Variants in CHRM3 observed in about 807,000 individuals in gnomAD.
CHRM3 encodes the protein muscarinic acetylcholine receptor M3.
A neutral mutation model predicts 41.8 loss-of-function variants in CHRM3; 11 were observed. The observed-to-expected ratio is 0.26, with a 90% CI of 0.17 to 0.44. The LOEUF (loss-of-function observed/expected upper bound fraction) is 0.44, where lower values mean the gene tolerates loss of function less well. CHRM3 is among the 20% of genes least tolerant of loss of function. The pLI is 1.00. For missense variants in CHRM3, 571 were observed against 745.4 expected, an observed-to-expected ratio of 0.77 and a Z score of 2.72; for synonymous variants, 297 against 301.4, an observed-to-expected ratio of 0.99 and a Z score of 0.15.
chr1:239,511,852 A>T (rs1413542297), intron 2 of CHRM3, among the ~76,000 whole-genome samples: 1 of 152,216 alleles, frequency 6.6e-6, no homozygotes, highest in East Asian at 1.9e-4. Flanking sequence ...AAAGCAAATA[A>T]GCTTTTTGTA....
At chr1:239,478,392 A>T (rs1425869568) in intron 1 of CHRM3, among the ~76,000 whole-genome samples, 1 of 152,206 alleles carries the variant, frequency 6.6e-6, no homozygotes, top group Admixed American at 6.5e-5. Flanking sequence ...TGAAGCAGCA[A>T]TGACTTTGAT....
At chr1:239,893,199 T>C (rs1029790493) in intron 6 of CHRM3, among the ~76,000 whole-genome samples, 2 of 152,154 alleles carry the variant, frequency 1.3e-5, no homozygotes, top group African/African-American at 4.8e-5. Context: ...AGTGAGTGTT[T>C]AAAAATATGC....
chr1:239,885,095 G>T (rs1428834814), intron 6 of CHRM3, among the ~76,000 whole-genome samples: 2 of 152,118 alleles, frequency 1.3e-5, no homozygotes, highest in African/African-American at 4.8e-5. Flanking sequence ...GAGCTCATTG[G>T]AGAAATTTTA....
At chr1:239,598,093 G>A (rs1665019327) in intron 3 of CHRM3, among the ~76,000 whole-genome samples, 1 of 152,042 alleles carries the variant, frequency 6.6e-6, no homozygotes, top group African/African-American at 2.4e-5. Context: ...AAGGCCAGGG[G>A]CACACACTAG....
intron 6 of CHRM3, among the ~76,000 whole-genome samples, chr1:239,828,438 C>T (rs1197455211): frequency 6.6e-6 from 1 of 151,994 alleles, no homozygotes; most frequent in Non-Finnish European, 1.5e-5. Context: ...GGGACCATAA[C>T]TGGCATGAAG....
chr1:239,507,257 G>T (rs1668634368), intron 2 of CHRM3, among the ~76,000 whole-genome samples: 1 of 152,166 alleles, frequency 6.6e-6, no homozygotes, highest in Non-Finnish European at 1.5e-5. Flanking sequence ...ATTCCCATGT[G>T]TTGTGGGAGG....
At chr1:239,756,697 G>C (rs936946814) in intron 5 of CHRM3, among the ~76,000 whole-genome samples, 2 of 152,178 alleles carry the variant, frequency 1.3e-5, no homozygotes, top group Non-Finnish European at 2.9e-5. Context: ...TGTTTTCTAT[G>C]TGAAGTTTTG....
At chr1:239,465,247 G>A (rs1665639216) in intron 1 of CHRM3, among the ~76,000 whole-genome samples, 1 of 152,062 alleles carries the variant, frequency 6.6e-6, no homozygotes, top group Non-Finnish European at 1.5e-5. Flanking sequence ...TGTGCTCTCT[G>A]GGGGTAAGTG....
intron 3 of CHRM3, among the ~76,000 whole-genome samples, chr1:239,602,013 T>A (rs1665604638): frequency 6.6e-6 from 1 of 151,166 alleles, no homozygotes; most frequent in African/African-American, 2.4e-5. Flanking sequence ...CTTCTGACTT[T>A]AAAATTATAT....
chr1:239,720,601 A>AT (rs1662868765), intron 5 of CHRM3, among the ~76,000 whole-genome samples: 1 of 151,932 alleles, frequency 6.6e-6, no homozygotes, highest in Non-Finnish European at 1.5e-5. Context: ...CCTAAGCCTT[A>AT]AAGGGTTTTA....
chr1:239,850,825 T>C (rs946372731), intron 6 of CHRM3, among the ~76,000 whole-genome samples: 5 of 152,190 alleles, frequency 3.3e-5, no homozygotes, highest in Admixed American at 6.5e-5. Context: ...CCGCCATGAC[T>C]GTAAGTTTCC....
At chr1:239,897,692 A>G (rs1679124539) in intron 6 of CHRM3, among the ~76,000 whole-genome samples, 1 of 152,212 alleles carries the variant, frequency 6.6e-6, no homozygotes, top group Admixed American at 6.5e-5. Flanking sequence ...TTCTGGGTGA[A>G]GGGGTCATAC....
chr1:239,877,844 C>T (rs1217175127), intron 6 of CHRM3, among the ~76,000 whole-genome samples: 2 of 151,096 alleles, frequency 1.3e-5, no homozygotes, highest in African/African-American at 4.9e-5. Flanking sequence ...GGGGTGGTTT[C>T]TGGATGATTC....
chr1:239,855,462 A>C (rs1675029588), intron 6 of CHRM3, among the ~76,000 whole-genome samples: 3 of 152,160 alleles, frequency 2.0e-5, no homozygotes, highest in Admixed American at 2.0e-4. Context: ...CTATGTATAG[A>C]CAAGGCAAAC....
At chr1:239,878,469 C>T (rs1030238135) in intron 6 of CHRM3, among the ~76,000 whole-genome samples, 8 of 152,054 alleles carry the variant, frequency 5.3e-5, no homozygotes, top group Admixed American at 3.9e-4. Context: ...GATGAGGCTT[C>T]GCTTGCTGGC....
chr1:239,612,361 T>G (rs552986340), intron 3 of CHRM3, among the ~76,000 whole-genome samples: 195 of 152,378 alleles, frequency 1.3e-3, no homozygotes, highest in African/African-American at 4.6e-3. Context: ...TTTTGTTTAC[T>G]GAATTGTCAC....
intron 5 of CHRM3, among the ~76,000 whole-genome samples, chr1:239,799,446 C>T (rs904834330): frequency 3.3e-5 from 5 of 152,252 alleles, no homozygotes; most frequent in South Asian, 4.2e-4. Flanking sequence ...GTTTTCGCTC[C>T]AGGCACTGAG....
chr1:239,788,189 T>A (rs1286212655), intron 5 of CHRM3, among the ~76,000 whole-genome samples: 1 of 152,108 alleles, frequency 6.6e-6, no homozygotes, highest in Non-Finnish European at 1.5e-5. Flanking sequence ...TGAGTCATGA[T>A]CACACTACTG....
At chr1:239,523,873 G>A (rs369669016) in intron 2 of CHRM3, among the ~76,000 whole-genome samples, 9 of 152,134 alleles carry the variant, frequency 5.9e-5, no homozygotes, top group East Asian at 5.8e-4. Context: ...CAGAAAAGGA[G>A]TTGTCAGCTC....
Sources: gnomAD v4.1 joint callset for allele counts (sites outside exome capture counted in the v4.1 genomes callset) on GRCh38, gnomAD v4.1.1 for gene constraint, MANE v1.5 for transcripts, NCBI Gene and HGNC (gene_info 2026-07-23, HGNC 2026-07-21) for gene names.